Variants in THSD7B observed in about 807,000 individuals in gnomAD.
THSD7B encodes thrombospondin type 1 domain containing 7B, also known as thrombospondin type-1 domain-containing protein 7B.
THSD7B carries 138 observed loss-of-function variants against 213.6 expected under a neutral mutation model. The ratio of observed to expected loss-of-function variants is 0.65; its 90% CI spans 0.56 to 0.74. The LOEUF is 0.74. Among genes scored for constraint, THSD7B ranks in the 30% least tolerant of loss-of-function variants. THSD7B has a pLI of 0.00. For missense variants in THSD7B, 1,931 were observed against 1,991.5 expected (o/e 0.97, Z 0.58); for synonymous variants, 742 against 687.0 (o/e 1.08, Z -1.25).
intron 15 of THSD7B, among the ~76,000 whole-genome samples, chr2:137,478,017 CTT>C (rs1204954167): frequency 6.6e-6 from 1 of 151,930 alleles, no homozygotes; most frequent in East Asian, 1.9e-4. Flanking sequence ...GTAGAATTCT[CTT>C]TTTCTTTTTT....
At chr2:136,897,782 C>T (rs758019032) in intron 2 of THSD7B, among the ~76,000 whole-genome samples, 15 of 151,974 alleles carry the variant, frequency 9.9e-5, no homozygotes, top group Admixed American at 6.6e-5. Context: ...CTGATTGGTG[C>T]GCTTTTACAG....
chr2:137,337,472 C>T (rs1597938), intron 12 of THSD7B, among the ~76,000 whole-genome samples: 28,424 of 152,076 alleles, frequency 0.19, 2,783 homozygotes, highest in South Asian at 0.26. Flanking sequence ...CAACATGTCT[C>T]ATTACAGATT....
At chr2:137,328,578 G>A (rs1000474874) in intron 12 of THSD7B, among the ~76,000 whole-genome samples, 1 of 152,142 alleles carries the variant, frequency 6.6e-6, no homozygotes, top group Admixed American at 6.5e-5. Flanking sequence ...TCAGCAGACT[G>A]GTGTTTTGTC....
At chr2:137,538,464 A>T (rs186759621) in intron 15 of THSD7B, 55 of 515,258 alleles carry the variant, frequency 1.1e-4, no homozygotes, top group African/African-American at 9.9e-4. Context: ...CTTATCATGC[A>T]CTGCTAACAT....
At chr2:137,240,315 G>C (rs564619328) in intron 9 of THSD7B, among the ~76,000 whole-genome samples, 1 of 152,156 alleles carries the variant, frequency 6.6e-6, no homozygotes, top group African/African-American at 2.4e-5. Context: ...CCTATGCATT[G>C]TTTCTAAAAT....
intron 12 of THSD7B, among the ~76,000 whole-genome samples, chr2:137,330,167 A>G (rs1173126794): frequency 6.6e-6 from 1 of 152,166 alleles, no homozygotes; most frequent in Non-Finnish European, 1.5e-5. Flanking sequence ...CTAGATGTCT[A>G]GGCAGAAGTT....
intron 12 of THSD7B, among the ~76,000 whole-genome samples, chr2:137,304,281 C>T (rs2104850807): frequency 6.6e-6 from 1 of 152,194 alleles, no homozygotes; most frequent in East Asian, 1.9e-4. Flanking sequence ...CTAAACCTTC[C>T]TGGATTCTTT....
chr2:137,497,328 C>T (rs900789965), intron 15 of THSD7B, among the ~76,000 whole-genome samples: 3 of 151,990 alleles, frequency 2.0e-5, no homozygotes, highest in Non-Finnish European at 4.4e-5. Flanking sequence ...ATTAACTTTT[C>T]TTTCAACTAC....
At position 137,464,434 on chromosome 2, in the gene THSD7B, A is replaced by G. The variant is rs190847839; in HGVS notation, c.3138+13411A>G. ...GCCAAGAGAGACACATTATTAAGCC[A>G]GGTACCATAGTGGCCACTGAAGTTT... On this transcript the variant is annotated intron_variant, in intron 15 of 27. Transcript: ENST00000409968. Among the ~76,000 whole-genome samples, 98 of 152,214 alleles carry G rather than the reference A, an allele frequency of 6.4e-4. 1 individual carries two copies. The highest frequency in any genetic ancestry group is 2.3e-3 in the African/African-American group (95 of 41,556).
intron 12 of THSD7B, among the ~76,000 whole-genome samples, chr2:137,282,700 A>C (rs1289739093): frequency 1.3e-5 from 2 of 152,186 alleles, no homozygotes; most frequent in Non-Finnish European, 2.9e-5. Context: ...GGTTTGTCAA[A>C]GATCAGATAG....
intron 5 of THSD7B, among the ~76,000 whole-genome samples, chr2:137,156,728 T>C (rs530134134): frequency 6.6e-6 from 1 of 152,306 alleles, no homozygotes; most frequent in African/African-American, 2.4e-5. Flanking sequence ...TTTTTACAGC[T>C]GCACTGCCAA....
intron 15 of THSD7B, among the ~76,000 whole-genome samples, chr2:137,478,619 A>G (rs1290522504): frequency 1.3e-5 from 2 of 151,966 alleles, no homozygotes; most frequent in South Asian, 2.1e-4. Context: ...TGGAGGTGTC[A>G]TGTTCTCTTG....
chr2:137,542,738 G>A (rs1680631982), intron 15 of THSD7B, among the ~76,000 whole-genome samples: 1 of 151,698 alleles, frequency 6.6e-6, no homozygotes, highest in South Asian at 2.1e-4. Context: ...AACAAATTTG[G>A]AGGACTGACT....
At chr2:137,422,515 C>T (rs1343079741) in intron 14 of THSD7B, among the ~76,000 whole-genome samples, 1 of 152,132 alleles carries the variant, frequency 6.6e-6, no homozygotes, top group African/African-American at 2.4e-5. Flanking sequence ...AAGAAGTCAT[C>T]TGGAAAGATC....
chr2:136,832,611 A>G (rs1241610801), intron 1 of THSD7B, among the ~76,000 whole-genome samples: 36 of 152,146 alleles, frequency 2.4e-4, no homozygotes, highest in Admixed American at 6.5e-5. Flanking sequence ...TGACACATAA[A>G]ATTAATCATC....
chr2:137,657,166 C>G lies in THSD7B; in HGVS notation c.4375+6C>G, dbSNP rs561107147. 2.7e-5 allele frequency: 44 copies of G among 1,613,532 alleles called. No individual in the cohort carries two copies. The South Asian group carries it at 3.8e-4, about 14-fold the overall frequency. ...AGATGGCGTTAATGTCACAGGTATT[C>G]CTGCCTAAGACTCATGTGGGCACTT... On this transcript the variant is annotated splice_donor_region_variant and intron_variant, in intron 24 of 27. Transcript: ENST00000409968.
At chr2:137,654,047 T>C (rs1290149300) in intron 21 of THSD7B, among the ~76,000 whole-genome samples, 1 of 152,168 alleles carries the variant, frequency 6.6e-6, no homozygotes, top group African/African-American at 2.4e-5. Context: ...TGGCTTGTTT[T>C]GGTTTTTACT....
At chr2:137,000,047 G>A (rs1301154327) in intron 2 of THSD7B, among the ~76,000 whole-genome samples, 3 of 152,088 alleles carry the variant, frequency 2.0e-5, no homozygotes, top group Non-Finnish European at 4.4e-5. Flanking sequence ...ATTCCAACAG[G>A]AATGTATAAT....
chr2:137,323,067 T>G (rs1437383744), intron 12 of THSD7B, among the ~76,000 whole-genome samples: 1 of 152,102 alleles, frequency 6.6e-6, no homozygotes, highest in Admixed American at 6.5e-5. Context: ...TCACCACCAG[T>G]CAACATACAG....
Sources: allele counts gnomAD v4.1 joint callset (sites outside exome capture counted in the v4.1 genomes callset), GRCh38; gene constraint gnomAD v4.1.1; transcripts MANE v1.5; gene names NCBI Gene and HGNC (gene_info 2026-07-23, HGNC 2026-07-21).